Variants in HECW1 observed in about 807,000 individuals in gnomAD.
HECW1 encodes the protein E3 ubiquitin-protein ligase HECW1.
A neutral mutation model predicts 182.3 loss-of-function variants in HECW1; 61 were observed. That is an observed-to-expected ratio of 0.33 (90% CI 0.27 to 0.41). The LOEUF is 0.41. Ranked by LOEUF, HECW1 falls within the 10% of genes least tolerant of loss-of-function variation. The pLI is 1.00. For missense variants in HECW1, 1,739 were observed against 2,108.9 expected, an observed-to-expected ratio of 0.82 and a Z score of 3.44; for synonymous variants, 859 against 832.6, an observed-to-expected ratio of 1.03 and a Z score of -0.55.
chr7:43,182,455 GT>G (rs1426260924), intron 2 of HECW1, among the ~76,000 whole-genome samples: 2 of 152,196 alleles, frequency 1.3e-5, no homozygotes, highest in Non-Finnish European at 2.9e-5. Context: ...AGAAAAATCA[GT>G]TGGCTGTAGA....
rs199501571 is a variant in HECW1, at chr7:43,192,969, T to G, written c.-31-50906T>G. 2.4e-4 allele frequency among the ~76,000 whole-genome samples: 37 copies of G among 152,312 alleles called. No homozygotes were observed. In the East Asian group the frequency reaches 6.0e-3, roughly 25 times the overall value. On this transcript the variant is annotated intron_variant, in intron 2 of 29. Transcript: ENST00000395891. ...CAGAGCAGCCCCAAGGGCTGCTGGC[T>G]GGCTGTTTTTATGGCTATTTCTTGA...
At chr7:43,526,549 A>G (rs879310010) in intron 24 of HECW1, among the ~76,000 whole-genome samples, 1 of 152,210 alleles carries the variant, frequency 6.6e-6, no homozygotes, top group Non-Finnish European at 1.5e-5. Context: ...TTAATGCATC[A>G]CAGGTAAGAA....
rs1171889169 is a variant in HECW1, at chr7:43,501,201, T to TTC, written c.3522-11_3522-10insCT. The TTC allele has an allele frequency of 1.6e-6, 2 of 1,222,688 alleles. No individual in the cohort carries two copies. Among genetic ancestry groups the TTC allele is most frequent in the Non-Finnish European group, 2.3e-6 (2 of 864,792 alleles). 75.7% of individuals were successfully genotyped at this position (1,222,688 alleles called of 1,614,324 possible). A position where few individuals can be genotyped will look rare whatever the true frequency, so the allele number is the denominator to read the frequency against. On this transcript the variant is annotated splice_polypyrimidine_tract_variant and intron_variant, in intron 20 of 29. Transcript: ENST00000395891. ...TTTCTTTCTTTTTTTTTTTTTTTTT[T>TTC]TTCATATGCAGTCTCTTTGAAGAAG...
At chr7:43,127,186 A>G (rs1786340236) in intron 2 of HECW1, among the ~76,000 whole-genome samples, 1 of 152,168 alleles carries the variant, frequency 6.6e-6, no homozygotes, top group Non-Finnish European at 1.5e-5. Flanking sequence ...AAGTTCTTGG[A>G]GGAAATTAAA....
chr7:43,507,917 G>T (rs2079656075), intron 22 of HECW1, 101 bp from the exon 23 acceptor site: 2 of 733,870 alleles, frequency 2.7e-6, no homozygotes, highest in Non-Finnish European at 4.8e-6. Context: ...CTTTGGAGAG[G>T]CTGGGGAGTG....
At chr7:43,159,648 T>C (rs1401488991) in intron 2 of HECW1, among the ~76,000 whole-genome samples, 1 of 151,790 alleles carries the variant, frequency 6.6e-6, no homozygotes, top group Non-Finnish European at 1.5e-5. Context: ...TCTTTACAAA[T>C]ATATGAAAGC....
intron 2 of HECW1, among the ~76,000 whole-genome samples, chr7:43,120,940 C>T (rs1490857817): frequency 6.6e-6 from 1 of 152,112 alleles, no homozygotes; most frequent in African/African-American, 2.4e-5. Context: ...GTGTGAGCCA[C>T]CACGCCTGGG....
At chr7:43,201,095 G>A (rs772650154) in intron 2 of HECW1, among the ~76,000 whole-genome samples, 1 of 152,164 alleles carries the variant, frequency 6.6e-6, no homozygotes, top group South Asian at 2.1e-4. Context: ...CTTGAAGACC[G>A]TGGACAAAAA....
chr7:43,551,048 G>A (rs1269044972), intron 27 of HECW1, among the ~76,000 whole-genome samples: 1 of 152,196 alleles, frequency 6.6e-6, no homozygotes, highest in Non-Finnish European at 1.5e-5. Context: ...GAGGAAGACA[G>A]GGAGGGCCGC....
intron 24 of HECW1, among the ~76,000 whole-genome samples, chr7:43,515,540 T>C (rs1233098859): frequency 6.6e-6 from 1 of 152,196 alleles, no homozygotes; most frequent in Non-Finnish European, 1.5e-5. Flanking sequence ...AGATTATAAA[T>C]GGTGGGAAGT....
chr7:43,311,200 C>G (rs1808459591), intron 3 of HECW1, among the ~76,000 whole-genome samples: 1 of 152,130 alleles, frequency 6.6e-6, no homozygotes, highest in Non-Finnish European at 1.5e-5. Flanking sequence ...GTTTGAAATC[C>G]TTCATAGAAA....
chr7:43,246,663 G>A (rs1438762473), intron 3 of HECW1, among the ~76,000 whole-genome samples: 1 of 152,202 alleles, frequency 6.6e-6, no homozygotes, highest in Non-Finnish European at 1.5e-5. Context: ...CAAGTATCTT[G>A]TCACCCAAAG....
intron 2 of HECW1, chr7:43,148,886 A>G (rs1023485799): frequency 1.3e-5 from 2 of 151,956 alleles, no homozygotes; most frequent in African/African-American, 4.8e-5. Context: ...GGTGATGTCT[A>G]CACTGCTGGC....
chr7:43,166,873 A>T (rs910430279), intron 2 of HECW1, among the ~76,000 whole-genome samples: 2 of 152,192 alleles, frequency 1.3e-5, no homozygotes, highest in Non-Finnish European at 2.9e-5. Flanking sequence ...GTCATGGGTG[A>T]TGACAGGTGC....
chr7:43,143,914 C>G (rs964684529), intron 2 of HECW1, among the ~76,000 whole-genome samples: 3 of 152,148 alleles, frequency 2.0e-5, no homozygotes, highest in Non-Finnish European at 4.4e-5. Flanking sequence ...AACTCATAAC[C>G]TTCCTGGTCA....
At chr7:43,237,587 G>A (rs980292141) in intron 2 of HECW1, among the ~76,000 whole-genome samples, 1 of 152,158 alleles carries the variant, frequency 6.6e-6, no homozygotes, top group Non-Finnish European at 1.5e-5. Context: ...GAACTGCCTC[G>A]CTAGATTATT....
intron 6 of HECW1, among the ~76,000 whole-genome samples, chr7:43,375,890 C>A (rs1050503803): frequency 0.015 from 1,491 of 102,114 alleles, no homozygotes; most frequent in Middle Eastern, 0.038. Flanking sequence ...AGACCCTTCT[C>A]AAAAAAAAAA....
intron 24 of HECW1, among the ~76,000 whole-genome samples, chr7:43,521,198 T>C (rs2080456967): frequency 6.6e-6 from 1 of 152,178 alleles, no homozygotes; most frequent in Admixed American, 6.5e-5. Context: ...AGGTGGGGCC[T>C]TTAAGAAGTG....
At chr7:43,185,730 C>T (rs1183581392) in intron 2 of HECW1, among the ~76,000 whole-genome samples, 2 of 152,050 alleles carry the variant, frequency 1.3e-5, no homozygotes, top group South Asian at 2.1e-4. Flanking sequence ...ATTCAGTACA[C>T]ACAGAATAAC....
Sources: allele counts gnomAD v4.1 joint callset (sites outside exome capture counted in the v4.1 genomes callset), GRCh38; gene constraint gnomAD v4.1.1; transcripts MANE v1.5; gene names NCBI Gene and HGNC (gene_info 2026-07-23, HGNC 2026-07-21).